MYRFL: variants seen among roughly 807,000 people sequenced by gnomAD.
MYRFL encodes the protein myelin regulatory factor like, also known as myelin regulatory factor-like protein.
A neutral mutation model predicts 109.4 loss-of-function variants in MYRFL; 88 were observed. The ratio of observed to expected loss-of-function variants is 0.80; its 90% confidence interval spans 0.68 to 0.96. MYRFL has a LOEUF of 0.96. Among genes scored for constraint, MYRFL ranks in the 40% least tolerant of loss-of-function variants. MYRFL has a pLI of 0.00. For missense variants in MYRFL, 957 were observed against 954.9 expected (o/e 1.00, Z -0.03); for synonymous variants, 324 against 320.9 (o/e 1.01, Z -0.10).
intron 16 of MYRFL, 135 bp downstream of exon 16, chr12:69,932,733 A>G (rs1471174458): frequency 1.7e-5 from 11 of 635,320 alleles, no homozygotes; most frequent in Non-Finnish European, 3.0e-5. Context: ...CTGAACTCTG[A>G]TAGCATAGAA....
chr12:69,949,614 G>A (rs532610986), intron 19 of MYRFL, among the ~76,000 whole-genome samples: 5 of 151,142 alleles, frequency 3.3e-5, no homozygotes, highest in Non-Finnish European at 7.4e-5. Flanking sequence ...GCACAAATTT[G>A]TAAACTTTCT....
At position 69,958,269 on chromosome 12, in the gene MYRFL, C is replaced by A. The variant is rs1311087235; in HGVS notation, c.2592C>A (p.Ser864Arg). The A allele has an allele frequency of 2.0e-6, 3 of 1,536,302 alleles. No individual in the cohort carries two copies. Among genetic ancestry groups the A allele is most frequent in the African/African-American group, 1.4e-5 (1 of 73,030 alleles). The part of the protein sequence containing the change: ...EMTQGYQHIW[S>R]LPVAPFSDSM... The stretch of plus-strand genomic sequence containing the variant: ...TTTAGGGATATCAGCACATTTGGAG[C>A]CTCCCTGTAGCCCCATTTTCTGACA... Residue 864 changes from serine (S) to arginine (R), a missense_variant, in exon 24 of 25, where the codon AGC (serine) becomes AGA (arginine). Physicochemically the swap from Ser to Arg is moderately radical, Grantham distance 110. Coordinates refer to ENST00000552032, the MANE Select transcript of MYRFL (RefSeq NM_182530.3).
intron 13 of MYRFL, among the ~76,000 whole-genome samples, chr12:69,926,117 C>CTTTTTTTTTTTTTT (rs147973443): frequency 3.5e-5 from 3 of 84,852 alleles, no homozygotes; most frequent in Admixed American, 1.3e-4. Flanking sequence ...TCTTCTTCTT[C>CTTTTTTTTTTTTTT]TTTTTTTTTT....
rs117176811 is a variant in MYRFL at position 69,839,132 on chromosome 12, C to T, written c.46+13569C>T. On this transcript the variant is annotated intron_variant, in intron 1 of 24. Transcript: ENST00000552032. ...CATAATATTTTAAAGTTATATATGA[C>T]TGACCCCATCAGCAGGCACACCCAC... 6.3e-3 allele frequency among the ~76,000 whole-genome samples: 964 copies of T among 152,302 alleles called. 8 individuals are homozygous for T. The highest frequency in any genetic ancestry group is 0.011 in the Non-Finnish European group (744 of 68,024).
intron 1 of MYRFL, among the ~76,000 whole-genome samples, chr12:69,853,253 C>G (rs986794669): frequency 1.3e-4 from 19 of 150,624 alleles, no homozygotes; most frequent in Non-Finnish European, 2.5e-4. Context: ...GCTGGCCGGG[C>G]AGGGGCTGCC....
chr12:69,878,371 T>G (rs78443233), intron 2 of MYRFL, among the ~76,000 whole-genome samples: 7,555 of 152,246 alleles, frequency 0.05, 179 homozygotes, highest in South Asian at 0.075. Flanking sequence ...GGGATCCCTT[T>G]GCGCCCAGAT....
intron 2 of MYRFL, among the ~76,000 whole-genome samples, chr12:69,876,065 T>C (rs541182703): frequency 8.5e-5 from 13 of 152,324 alleles, no homozygotes; most frequent in African/African-American, 3.1e-4. Flanking sequence ...GAGTCAGCAA[T>C]AGATTTGGCA....
At chr12:69,828,481 T>G (rs1282482078) in intron 1 of MYRFL, among the ~76,000 whole-genome samples, 1 of 152,176 alleles carries the variant, frequency 6.6e-6, no homozygotes, top group Non-Finnish European at 1.5e-5. Context: ...TGCATTCATA[T>G]TATATTTCTA....
intron 2 of MYRFL, 102 bp downstream of exon 2, chr12:69,855,472 T>G (rs1407061999): frequency 3.3e-6 from 2 of 610,688 alleles, no homozygotes; most frequent in East Asian, 2.8e-5. Context: ...CCAAAATAAC[T>G]TGGGTAGAGT....
intron 1 of MYRFL, among the ~76,000 whole-genome samples, chr12:69,826,894 C>G (rs10506572): frequency 0.11 from 16,186 of 152,094 alleles, 1,186 homozygotes; most frequent in Middle Eastern, 0.17. Context: ...GTTCAACAAC[C>G]ACTTTCTTTA....
chr12:69,879,622 C>T (rs1481044192), intron 4 of MYRFL, among the ~76,000 whole-genome samples, 169 bp downstream of exon 4: 1 of 152,156 alleles, frequency 6.6e-6, no homozygotes, highest in South Asian at 2.1e-4. Flanking sequence ...CTTAGACAAT[C>T]TTTTAATTAA....
chr12:69,905,062 T>C (rs1423975843), intron 11 of MYRFL, among the ~76,000 whole-genome samples: 1 of 152,244 alleles, frequency 6.6e-6, no homozygotes, highest in African/African-American at 2.4e-5. Context: ...AATGCAGAGC[T>C]AGAGAGTTCT....
At chr12:69,955,497 G>A (rs963831267) in intron 22 of MYRFL, 60 bp downstream of exon 22, 2 of 529,404 alleles carry the variant, frequency 3.8e-6, no homozygotes, top group Non-Finnish European at 6.6e-6. Flanking sequence ...ATGAAGTCTG[G>A]ATTTACTTCA....
In MYRFL at chr12:69,891,149, A is replaced by G. The variant is rs1036570322; in HGVS notation, c.886A>G (p.Lys296Glu). The change falls in exon 7 of 25, where the codon AAA becomes GAA. Residue 296 changes from lysine (K) to glutamate (E), a missense_variant. Transcript: ENST00000552032. ...AAAGCCAATAGAAATGTTTTACTTG[A>G]AAGTTTTTGGCACTAAGGTATGTCT... Reference protein sequence around the residue: ...GLKPIEMFYLKVFGTKVEATN... With the variant: ...GLKPIEMFYLEVFGTKVEATN... The G allele has an allele frequency of 2.6e-6, 4 of 1,517,760 alleles. No homozygotes were observed. In the African/African-American group the frequency reaches 4.2e-5, roughly 16 times the overall value. 94.0% of individuals were successfully genotyped at this position (1,517,760 alleles called of 1,614,324 possible).
chr12:69,842,046 G>A (rs764178352), intron 1 of MYRFL, among the ~76,000 whole-genome samples: 1 of 152,206 alleles, frequency 6.6e-6, no homozygotes, highest in South Asian at 2.1e-4. Context: ...CAGCAAAGAT[G>A]TAAGCCCTAG....
At chr12:69,903,875 C>T (rs2136345737) in intron 11 of MYRFL, 31 bp downstream of exon 11, 1 of 1,487,174 alleles carries the variant, frequency 6.7e-7, no homozygotes, top group Non-Finnish European at 8.9e-7. Flanking sequence ...TGGGCCCCTC[C>T]TCTGACACCC....
At chr12:69,854,128 C>T (rs1286633962) in intron 1 of MYRFL, among the ~76,000 whole-genome samples, 3 of 152,196 alleles carry the variant, frequency 2.0e-5, no homozygotes, top group South Asian at 2.1e-4. Flanking sequence ...GCAGATCACT[C>T]GCGGTCAGGA....
At chr12:69,916,027 T>A (rs1305044121) in intron 13 of MYRFL, among the ~76,000 whole-genome samples, 1 of 152,130 alleles carries the variant, frequency 6.6e-6, no homozygotes, top group African/African-American at 2.4e-5. Flanking sequence ...GTTGTTTTTT[T>A]AAATTTAAGA....
At chr12:69,835,474 A>C (rs1163745270) in intron 1 of MYRFL, among the ~76,000 whole-genome samples, 1 of 152,210 alleles carries the variant, frequency 6.6e-6, no homozygotes. Context: ...AAAAGCATGC[A>C]TGGGAAACAG....
Sources: gnomAD v4.1 joint callset for allele counts (sites outside exome capture counted in the v4.1 genomes callset) on GRCh38, gnomAD v4.1.1 for gene constraint, MANE v1.5 for transcripts, NCBI Gene and HGNC (gene_info 2026-07-23, HGNC 2026-07-21) for gene names.